ALDH18A1: variants seen among roughly 807,000 people sequenced by gnomAD.
ALDH18A1 encodes delta-1-pyrroline-5-carboxylate synthase.
Under a neutral mutation model 88.8 loss-of-function variants are expected in ALDH18A1, and 44 were observed. That is an observed-to-expected ratio of 0.50 (90% CI 0.39 to 0.64). The LOEUF is 0.64. Among genes scored for constraint, ALDH18A1 ranks in the 30% least tolerant of loss-of-function variants. The pLI, the probability that ALDH18A1 is intolerant of heterozygous loss-of-function variation, is 0.00. For missense variants in ALDH18A1, 782 were observed against 1,009.5 expected, an observed-to-expected ratio of 0.77 and a Z score of 3.05; for synonymous variants, 331 against 372.1, an observed-to-expected ratio of 0.89 and a Z score of 1.27.
At chr10:95,608,875 T>C (rs1589472497) in intron 17 of ALDH18A1, among the ~76,000 whole-genome samples, 1 of 152,166 alleles carries the variant, frequency 6.6e-6, no homozygotes, top group African/African-American at 2.4e-5. Flanking sequence ...TGGAGGTTTT[T>C]TGTCTGTTTT....
At chr10:95,630,675 C>T (rs2097867548) in intron 7 of ALDH18A1, among the ~76,000 whole-genome samples, 1 of 151,976 alleles carries the variant, frequency 6.6e-6, no homozygotes, top group Admixed American at 6.6e-5. Flanking sequence ...CATGCCACTG[C>T]ACTCCAGCCT....
Position 95,653,164 on chromosome 10 carries a change from T to G in ALDH18A1, c.88+126A>C, listed in dbSNP as rs9787589. The G allele has an allele frequency of 0.81, 718,899 of 890,774 alleles. 292,787 individuals carry two copies. The highest frequency in any genetic ancestry group is 0.85 in the Non-Finnish European group (465,388 of 548,948). 55.2% of individuals were successfully genotyped at this position (890,774 alleles called of 1,614,324 possible). On this transcript the variant is annotated intron_variant, in intron 2 of 17. Transcript: ENST00000371224. ...GTTTGTGCCACTGCACTCCAGCCTG[T>G]GTGACAAAATGAGACCCTGTCTCCA...
chr10:95,613,022 A>G (rs532203692), intron 15 of ALDH18A1, among the ~76,000 whole-genome samples: 1 of 152,326 alleles, frequency 6.6e-6, no homozygotes, highest in Admixed American at 6.5e-5. Context: ...CAAGGCCAAC[A>G]AGCACCTTCT....
intron 17 of ALDH18A1, 90 bp from the exon 18 acceptor site, chr10:95,607,033 T>G (rs2139514293): frequency 7.5e-7 from 1 of 1,325,028 alleles, no homozygotes; most frequent in East Asian, 2.3e-5. Flanking sequence ...TTCCCCTCAC[T>G]TGGTACCCTC....
chr10:95,620,789 G>A (rs553226626), intron 12 of ALDH18A1, among the ~76,000 whole-genome samples: 10 of 151,396 alleles, frequency 6.6e-5, no homozygotes, highest in East Asian at 5.8e-4. Flanking sequence ...GGGGCCTGTC[G>A]GGGGGTGGGG....
Position 95,616,499 on chromosome 10 carries a change from C to A in ALDH18A1, c.1583G>T (p.Gly528Val). Residue 528 changes from glycine to valine, a missense_variant, in exon 13 of 18, where the codon GGA (glycine) becomes GTA (valine). Physicochemically the swap from Gly to Val is moderately radical, Grantham distance 109. Transcript: ENST00000371224. ...LLTQEALSIHGVKEAVQLVNT... is the reference protein window; with the variant it reads ...LLTQEALSIHVVKEAVQLVNT... ...TACCAGTTGCACGGCCTCCTTGACT[C>A]CATGGATTGAGAGAGCCTCCTGGGT... 1 of 1,571,648 alleles carries A rather than the reference C, an allele frequency of 6.4e-7. No homozygotes were observed. The highest frequency in any genetic ancestry group is 1.2e-5 in the South Asian group (1 of 85,706).
chr10:95,634,081 C>T (rs943192042), intron 5 of ALDH18A1, among the ~76,000 whole-genome samples: 18 of 151,856 alleles, frequency 1.2e-4, no homozygotes, highest in African/African-American at 2.9e-4. Context: ...CACCTGGCCC[C>T]AATTTTTGTA....
chr10:95,640,861 C>T (rs753159795), intron 3 of ALDH18A1, among the ~76,000 whole-genome samples: 12 of 152,326 alleles, frequency 7.9e-5, no homozygotes, highest in Non-Finnish European at 1.6e-4. Flanking sequence ...GTTTCTCCTC[C>T]GTTCAAAATC....
chr10:95,652,557 G>A (rs1272113413), intron 2 of ALDH18A1, among the ~76,000 whole-genome samples: 3 of 151,510 alleles, frequency 2.0e-5, no homozygotes, highest in Admixed American at 1.3e-4. Flanking sequence ...CCAACATGGC[G>A]AAACCCTATT....
At chr10:95,608,056 G>C (rs112194607) in intron 17 of ALDH18A1, among the ~76,000 whole-genome samples, 1 of 152,190 alleles carries the variant, frequency 6.6e-6, no homozygotes, top group Non-Finnish European at 1.5e-5. Flanking sequence ...CTTGTAGAAT[G>C]AAGTGAGAGC....
chr10:95,628,039 C>G (rs2097862827), intron 8 of ALDH18A1, among the ~76,000 whole-genome samples: 1 of 152,146 alleles, frequency 6.6e-6, no homozygotes, highest in South Asian at 2.1e-4. Flanking sequence ...ATTAATGGGA[C>G]ACAATTTTTG....
At chr10:95,648,738 G>C (rs1781750866) in intron 2 of ALDH18A1, among the ~76,000 whole-genome samples, 1 of 152,122 alleles carries the variant, frequency 6.6e-6, no homozygotes, top group Non-Finnish European at 1.5e-5. Flanking sequence ...AAGCCACAGG[G>C]AATGTACATG....
chr10:95,610,171 T>G, intron 17 of ALDH18A1, 26 bp downstream of exon 17: 2 of 1,611,480 alleles, frequency 1.2e-6, no homozygotes, highest in Non-Finnish European at 8.5e-7. Flanking sequence ...AGGAACTTCT[T>G]TCTTCCCAAC....
At chr10:95,642,508 G>C (rs995046276) in intron 3 of ALDH18A1, among the ~76,000 whole-genome samples, 4 of 152,124 alleles carry the variant, frequency 2.6e-5, no homozygotes, top group Non-Finnish European at 5.9e-5. Context: ...GCAGCTACTC[G>C]GGAGGCTGAG....
chr10:95,643,314 T>C (rs767780185), intron 2 of ALDH18A1, 108 bp from the exon 3 acceptor site: 3 of 1,065,804 alleles, frequency 2.8e-6, no homozygotes, highest in Non-Finnish European at 4.2e-6. Flanking sequence ...AAAAATAGCA[T>C]TATCATTATT....
chr10:95,624,181 C>A lies in ALDH18A1; in HGVS notation c.1246+1181G>T, dbSNP rs151032784. Among the ~76,000 whole-genome samples, 146 of 152,320 alleles carry A rather than the reference C, an allele frequency of 9.6e-4. 1 individual carries two copies. The East Asian group carries it at 0.013, about 13-fold the overall frequency. On this transcript the variant is annotated intron_variant, in intron 11 of 17. Transcript: ENST00000371224. ...GAAATAGTTTTTGAGGATAAATTCC[C>A]CGAACTGGGATTGCTAAGCCACGCT... is the stretch of plus-strand genomic sequence containing the variant.
At chr10:95,623,076 T>C (rs2097855372) in intron 11 of ALDH18A1, among the ~76,000 whole-genome samples, 1 of 151,950 alleles carries the variant, frequency 6.6e-6, no homozygotes, top group Non-Finnish European at 1.5e-5. Context: ...GGGAAGCAAC[T>C]GACCTTATAT....
In ALDH18A1 at chr10:95,628,896, T is replaced by G. The variant is rs553542502; in HGVS notation, c.809-404A>C. On this transcript the variant is annotated intron_variant, in intron 7 of 17. Coordinates refer to ENST00000371224, the MANE Select transcript of ALDH18A1 (RefSeq NM_002860.4). ...AGCATAGCAGCCATATACTGTTTAA[T>G]GTGACTGTTTCCAAGCAGGATGAAA... The G allele has an allele frequency of 6.9e-4, 183 of 266,156 alleles. 2 individuals carry two copies. The South Asian group carries it at 8.5e-3, about 12-fold the overall frequency. 16.5% of individuals were successfully genotyped at this position (266,156 alleles called of 1,614,324 possible). A position where few individuals can be genotyped will look rare whatever the true frequency, so the allele number is the denominator to read the frequency against.
At chr10:95,644,461 GA>G (rs563661139) in intron 2 of ALDH18A1, among the ~76,000 whole-genome samples, 1,626 of 152,218 alleles carry the variant, frequency 0.011, 20 homozygotes, top group Middle Eastern at 0.024. Flanking sequence ...TTCTAAGGAG[GA>G]AAAAAATCTT....
Sources: allele counts gnomAD v4.1 joint callset (sites outside exome capture counted in the v4.1 genomes callset), GRCh38; gene constraint gnomAD v4.1.1; transcripts MANE v1.5; gene names NCBI Gene and HGNC (gene_info 2026-07-23, HGNC 2026-07-21).